The following PIP5K1B variants were observed in gnomAD, a reference collection of about 807,000 sequenced individuals.
The protein encoded by PIP5K1B is phosphatidylinositol 4-phosphate 5-kinase type-1 beta.
In PIP5K1B, 42 loss-of-function variants were observed where a neutral mutation model predicts 67.0. The observed-to-expected ratio is 0.63, with a 90% CI of 0.49 to 0.81. The LOEUF is 0.81. Among genes scored for constraint, PIP5K1B ranks in the 30% least tolerant of loss-of-function variants. The probability of loss-of-function intolerance (pLI) is 0.00; values close to 1 mark genes in which losing one functional copy is unlikely to be tolerated. For synonymous variants in PIP5K1B, 214 were observed against 231.4 expected, an observed-to-expected ratio of 0.92 and a Z score of 0.68; for missense variants, 459 against 646.3, an observed-to-expected ratio of 0.71 and a Z score of 3.14.
chr9:68,780,430 A>G (rs1456166985), intron 2 of PIP5K1B: 13 of 1,614,116 alleles, frequency 8.1e-6, no homozygotes, highest in Non-Finnish European at 1.1e-5. Flanking sequence ...CACCAGATCA[A>G]ACAAGAAGAG....
At chr9:69,008,325 G>GA in intron 15 of PIP5K1B, 122 bp from the exon 16 acceptor site, 1 of 841,386 alleles carries the variant, frequency 1.2e-6, no homozygotes, top group South Asian at 1.4e-5. Context: ...CAAACATAAT[G>GA]CACCCCATTT....
intron 12 of PIP5K1B, among the ~76,000 whole-genome samples, chr9:68,925,695 A>G (rs1826654967): frequency 6.6e-6 from 1 of 151,662 alleles, no homozygotes; most frequent in South Asian, 2.1e-4. Context: ...AATTGACATC[A>G]CCGTAAATTA....
intron 1 of PIP5K1B, among the ~76,000 whole-genome samples, chr9:68,711,079 A>G (rs1387327570): frequency 6.6e-6 from 1 of 152,196 alleles, no homozygotes; most frequent in Non-Finnish European, 1.5e-5. Flanking sequence ...AAGTTCATTC[A>G]GTTTGTAAGA....
chr9:68,781,273 G>A (rs1831257411), intron 2 of PIP5K1B: 2 of 490,966 alleles, frequency 4.1e-6, no homozygotes, highest in African/African-American at 2.0e-5. Context: ...ACATCTTTAC[G>A]CTGCTAATAT....
At chr9:68,730,705 A>G (rs1243558451) in intron 1 of PIP5K1B, among the ~76,000 whole-genome samples, 1 of 152,222 alleles carries the variant, frequency 6.6e-6, no homozygotes, top group Non-Finnish European at 1.5e-5. Flanking sequence ...CTTTGTTGTG[A>G]AATAAAACTC....
chr9:68,815,619 T>C (rs1833402375), intron 2 of PIP5K1B, among the ~76,000 whole-genome samples: 1 of 152,018 alleles, frequency 6.6e-6, no homozygotes, highest in Non-Finnish European at 1.5e-5. Context: ...CAAAGAAAGG[T>C]TATAAATCCC....
chr9:68,919,588 T>C, intron 10 of PIP5K1B, 26 bp downstream of exon 10: 1 of 1,434,826 alleles, frequency 7.0e-7, no homozygotes, highest in Non-Finnish European at 9.7e-7. Context: ...AGTGGTCTTT[T>C]ATTATTTCAA....
intron 8 of PIP5K1B, among the ~76,000 whole-genome samples, chr9:68,912,777 A>G (rs969311541): frequency 6.6e-6 from 1 of 152,186 alleles, no homozygotes; most frequent in Non-Finnish European, 1.5e-5. Flanking sequence ...GCAGTAAGAC[A>G]GAAGATAGTT....
chr9:68,808,435 C>T (rs773663379), intron 2 of PIP5K1B, among the ~76,000 whole-genome samples: 3 of 151,958 alleles, frequency 2.0e-5, no homozygotes, highest in Non-Finnish European at 4.4e-5. Flanking sequence ...TCACCAGATA[C>T]ACACAGATAC....
At chr9:68,785,423 A>G (rs1564133776) in intron 2 of PIP5K1B, among the ~76,000 whole-genome samples, 1 of 152,184 alleles carries the variant, frequency 6.6e-6, no homozygotes, top group Non-Finnish European at 1.5e-5. Flanking sequence ...CTTACTTGGT[A>G]AAAAATTGTG....
chr9:68,851,444 C>A (rs186828313), intron 4 of PIP5K1B, among the ~76,000 whole-genome samples: 2 of 152,190 alleles, frequency 1.3e-5, no homozygotes, highest in Non-Finnish European at 2.9e-5. Context: ...CTCCAGTATT[C>A]TTATTTTTGA....
intron 4 of PIP5K1B, among the ~76,000 whole-genome samples, chr9:68,831,311 T>C (rs982524155): frequency 6.6e-6 from 1 of 152,248 alleles, no homozygotes; most frequent in Non-Finnish European, 1.5e-5. Context: ...AGAGTTAACA[T>C]AAGTGCTTAG....
Position 68,894,528 on chromosome 9 carries a change from T to C in PIP5K1B, c.661T>C (p.Ser221Pro). The stretch of plus-strand genomic sequence containing the variant: ...AGCATCCCGTAAAGAGAGAGAGAAA[T>C]CCAACCCCACATTTAAGGACTTAGA... ...RRASRKEREK[S>P]NPTFKDLDFL... Residue 221 changes from serine to proline, a missense_variant, in exon 8 of 16, where the codon TCC (serine) becomes CCC (proline). This residue lies in a region of PIP5K1B where 290 missense variants were observed against 474.4 expected (regional missense o/e 0.61). Coordinates refer to ENST00000265382, the MANE Select transcript of PIP5K1B (RefSeq NM_003558.4). 1.2e-6 allele frequency: 2 copies of C among 1,614,074 alleles called. No individual in the cohort carries two copies. Among genetic ancestry groups the C allele is most frequent in the Non-Finnish European group, 1.7e-6 (2 of 1,179,982 alleles).
chr9:68,868,203 G>GGATC (rs1823452805), intron 5 of PIP5K1B, among the ~76,000 whole-genome samples: 1 of 151,980 alleles, frequency 6.6e-6, no homozygotes, highest in African/African-American at 2.4e-5. Flanking sequence ...TTCTGTGTTG[G>GGATC]GATCAGAAGC....
At chr9:68,948,566 A>G in intron 14 of PIP5K1B, among the ~76,000 whole-genome samples, 1 of 152,006 alleles carries the variant, frequency 6.6e-6, no homozygotes. Context: ...GATTGCTTGA[A>G]TCCAGGAGTT....
At position 68,826,584 on chromosome 9, in the gene PIP5K1B, G is replaced by T. The variant is rs566894485; in HGVS notation, c.69+3901G>T. On this transcript the variant is annotated intron_variant, in intron 4 of 15. Transcript: ENST00000265382. ...TACAACCTCTGACCTCCCTGTTGGT[G>T]TAAAAAAGTGAGAAGAAAAAAGGAG... Among the ~76,000 whole-genome samples the T allele has an allele frequency of 2.0e-4, 31 of 152,260 alleles. 1 individual carries two copies. In the East Asian group the frequency reaches 5.4e-3, roughly 26 times the overall value.
At chr9:68,920,588 G>A (rs368252788) in intron 11 of PIP5K1B, among the ~76,000 whole-genome samples, 8 of 151,650 alleles carry the variant, frequency 5.3e-5, no homozygotes, top group Admixed American at 1.3e-4. Context: ...GGCTGGTCTC[G>A]AACTCCTGAC....
At chr9:68,785,894 A>G (rs777066408) in intron 2 of PIP5K1B, among the ~76,000 whole-genome samples, 11 of 152,220 alleles carry the variant, frequency 7.2e-5, no homozygotes, top group Non-Finnish European at 1.2e-4. Flanking sequence ...CTATCCTTTT[A>G]TGAAGCGATT....
At chr9:68,922,869 T>C (rs1043799978) in intron 11 of PIP5K1B, among the ~76,000 whole-genome samples, 9 of 152,236 alleles carry the variant, frequency 5.9e-5, no homozygotes, top group Non-Finnish European at 1.2e-4. Flanking sequence ...TCAATGTCAC[T>C]CTTACATTAG....
Sources: gnomAD v4.1 joint callset for allele counts (sites outside exome capture counted in the v4.1 genomes callset) on GRCh38, gnomAD v4.1.1 for gene constraint, gnomAD v4.1.1 regional missense constraint, MANE v1.5 for transcripts, NCBI Gene and HGNC (gene_info 2026-07-23, HGNC 2026-07-21) for gene names.